The following FIP1L1 variants were observed in gnomAD, a reference collection of about 807,000 sequenced individuals.
FIP1L1 encodes pre-mRNA 3'-end-processing factor FIP1.
FIP1L1 carries 21 observed loss-of-function variants against 84.6 expected under a neutral mutation model. The observed-to-expected ratio is 0.25, with a 90% CI of 0.18 to 0.36. FIP1L1 has a LOEUF of 0.36. FIP1L1 is among the 10% of genes least tolerant of loss of function. The pLI, the probability that FIP1L1 is intolerant of heterozygous loss-of-function variation, is 1.00. For missense variants in FIP1L1, 526 were observed against 751.1 expected (o/e 0.70, Z 3.50); for synonymous variants, 263 against 242.3 (o/e 1.09, Z -0.80).
At chr4:53,441,939 G>C (rs1460667682) in intron 13 of FIP1L1, among the ~76,000 whole-genome samples, 1 of 151,948 alleles carries the variant, frequency 6.6e-6, no homozygotes, top group Admixed American at 6.5e-5. Context: ...CTGCTAGGAT[G>C]CTTTATAGCC....
intron 17 of FIP1L1, 97 bp from the exon 18 acceptor site, chr4:53,459,205 C>A: frequency 2.5e-6 from 2 of 810,530 alleles, no homozygotes; most frequent in Non-Finnish European, 1.9e-6. Context: ...ATTTTAAACC[C>A]AGTGTTATAT....
chr4:53,453,242 G>A (rs1717084494), intron 16 of FIP1L1, 109 bp downstream of exon 16: 1 of 1,229,842 alleles, frequency 8.1e-7, no homozygotes. Flanking sequence ...GATGCTCAGG[G>A]AGTACATAGG....
chr4:53,405,324 T>C (rs914381930), intron 10 of FIP1L1, among the ~76,000 whole-genome samples: 44 of 152,090 alleles, frequency 2.9e-4, no homozygotes, highest in African/African-American at 1.9e-4. Context: ...GTTGTAGACA[T>C]GCGGCATTAT....
chr4:53,382,775 A>G (rs1738790657), intron 4 of FIP1L1, among the ~76,000 whole-genome samples: 1 of 152,202 alleles, frequency 6.6e-6, no homozygotes. Flanking sequence ...ATATTTGTGC[A>G]TTTTAATCCT....
Position 53,390,553 on chromosome 4 carries a change from C to T in FIP1L1, c.430C>T (p.Pro144Ser). Residue 144 changes from proline to serine, a missense_variant, in exon 7 of 18, where the codon CCT (proline) becomes TCT (serine). Physicochemically the swap from Pro to Ser is moderately conservative, Grantham distance 74 (BLOSUM62 -1). Transcript: ENST00000337488. ...AGTCAAAGGAGTAGACCTTGATGCA[C>T]CTGGAAGCATTAATGGAGTTCCACT... is the stretch of plus-strand genomic sequence containing the variant. ...TKVKGVDLDA[P>S]GSINGVPLLE... The T allele has an allele frequency of 1.2e-6, 2 of 1,612,980 alleles. No homozygotes were observed. Among genetic ancestry groups the T allele is most frequent in the Non-Finnish European group, 1.7e-6 (2 of 1,179,210 alleles).
At chr4:53,439,687 C>T (rs1771042911) in intron 13 of FIP1L1, among the ~76,000 whole-genome samples, 2 of 151,918 alleles carry the variant, frequency 1.3e-5, no homozygotes, top group African/African-American at 2.4e-5. Flanking sequence ...GAAAAAGTTA[C>T]TTTAAATTGT....
At chr4:53,406,646 T>A (rs963781968) in intron 10 of FIP1L1, among the ~76,000 whole-genome samples, 1 of 152,184 alleles carries the variant, frequency 6.6e-6, no homozygotes, top group African/African-American at 2.4e-5. Flanking sequence ...TCCTGGACTC[T>A]TTTTGGTTGG....
chr4:53,455,056 C>G (rs1273827427), intron 16 of FIP1L1, among the ~76,000 whole-genome samples: 3 of 152,142 alleles, frequency 2.0e-5, no homozygotes, highest in Non-Finnish European at 2.9e-5. Flanking sequence ...TGCTAGCTTC[C>G]ATTTCTTCTG....
intron 13 of FIP1L1, among the ~76,000 whole-genome samples, chr4:53,428,428 A>T (rs1251766576): frequency 6.6e-6 from 1 of 152,204 alleles, no homozygotes; most frequent in Non-Finnish European, 1.5e-5. Context: ...AAAATATGAT[A>T]ATGATCCCCA....
intron 9 of FIP1L1, among the ~76,000 whole-genome samples, chr4:53,395,628 A>G (rs1578258081): frequency 6.6e-6 from 1 of 152,220 alleles, no homozygotes; most frequent in Admixed American, 6.5e-5. Flanking sequence ...AAGAAGTGAC[A>G]TTTAAGTTGA....
intron 10 of FIP1L1, among the ~76,000 whole-genome samples, chr4:53,403,464 G>C (rs138490428): frequency 9.2e-5 from 14 of 152,270 alleles, no homozygotes; most frequent in African/African-American, 1.7e-4. Context: ...AATCAAAATA[G>C]AAACCATTAC....
At chr4:53,440,753 C>T in intron 13 of FIP1L1, 1 of 653,208 alleles carries the variant, frequency 1.5e-6, no homozygotes, top group South Asian at 1.7e-5. Flanking sequence ...TCTGCCTTTG[C>T]TTCATTCCAG....
chr4:53,406,558 T>C (rs1311887738), intron 10 of FIP1L1, among the ~76,000 whole-genome samples: 1 of 152,156 alleles, frequency 6.6e-6, no homozygotes, highest in African/African-American at 2.4e-5. Context: ...CTTTTTCTAT[T>C]GATTGGAATA....
chr4:53,394,754 C>T (rs1196798141), intron 9 of FIP1L1, among the ~76,000 whole-genome samples: 1 of 150,742 alleles, frequency 6.6e-6, no homozygotes, highest in East Asian at 1.9e-4. Context: ...TCTGTTTTTC[C>T]TTTTTTTGAC....
chr4:53,412,700 T>G (rs1757748181), intron 10 of FIP1L1, among the ~76,000 whole-genome samples: 1 of 152,084 alleles, frequency 6.6e-6, no homozygotes, highest in Non-Finnish European at 1.5e-5. Context: ...GAAATGATAA[T>G]TCTAATGCCT....
chr4:53,440,240 TAAC>T (rs978149305), intron 13 of FIP1L1, among the ~76,000 whole-genome samples: 4 of 152,158 alleles, frequency 2.6e-5, no homozygotes, highest in South Asian at 2.1e-4. Context: ...AATGTTAAAA[TAAC>T]AACCTCAGGC....
intron 9 of FIP1L1, among the ~76,000 whole-genome samples, chr4:53,394,920 T>C (rs1746432650): frequency 6.6e-6 from 1 of 152,198 alleles, no homozygotes; most frequent in East Asian, 1.9e-4. Context: ...AATGAAGCTG[T>C]GATAGGCAGC....
Position 53,389,821 on chromosome 4 carries a change from A to C in FIP1L1, c.345A>C (p.Thr115=). The C allele has an allele frequency of 6.2e-7, 1 of 1,603,924 alleles. No homozygotes were observed. The highest frequency in any genetic ancestry group is 8.5e-7 in the Non-Finnish European group (1 of 1,176,838). ...TGTTTGTTTTTAGGAGTTATGGTAC[A>C]GCACCTGTAAATCTTAACATCAAGA... ...TGAPQYGSYG[T]APVNLNIKTG... The change falls in exon 6 of 18, where the codon ACA becomes ACC. Residue 115 remains threonine, a synonymous_variant. Coordinates refer to ENST00000337488, the MANE Select transcript of FIP1L1 (RefSeq NM_030917.4).
intron 13 of FIP1L1, among the ~76,000 whole-genome samples, chr4:53,437,796 G>GCTCACTGCAACCTCCGC (rs1770101988): frequency 6.6e-6 from 1 of 151,926 alleles, no homozygotes; most frequent in African/African-American, 2.4e-5. Context: ...CGCGACCTCG[G>GCTCACTGCAACCTCCGC]CTCACTGCAA....
Sources: allele counts gnomAD v4.1 joint callset (sites outside exome capture counted in the v4.1 genomes callset), GRCh38; gene constraint gnomAD v4.1.1; transcripts MANE v1.5; gene names NCBI Gene and HGNC (gene_info 2026-07-23, HGNC 2026-07-21).